Variants in NRXN3 observed in about 807,000 individuals in gnomAD.
NRXN3 encodes the protein neurexin 3.
Under a neutral mutation model 137.6 loss-of-function variants are expected in NRXN3, and 32 were observed. The observed-to-expected ratio is 0.23, with a 90% CI of 0.18 to 0.31. The LOEUF (loss-of-function observed/expected upper bound fraction) is 0.31. NRXN3 is among the 10% of genes least tolerant of loss of function. The pLI, the probability that NRXN3 is intolerant of heterozygous loss-of-function variation, is 1.00. For synonymous variants in NRXN3, 798 were observed against 784.5 expected, an observed-to-expected ratio of 1.02 and a Z score of -0.29; for missense variants, 1,574 against 2,062.5, an observed-to-expected ratio of 0.76 and a Z score of 4.59.
chr14:79,398,969 A>G (rs1293075655), intron 15 of NRXN3, among the ~76,000 whole-genome samples: 3 of 135,644 alleles, frequency 2.2e-5, no homozygotes, highest in Non-Finnish European at 4.6e-5. Flanking sequence ...AGATTGTGCC[A>G]CTGCACTCCA....
chr14:79,272,344 G>T (rs2079483214), intron 15 of NRXN3, among the ~76,000 whole-genome samples: 1 of 151,530 alleles, frequency 6.6e-6, no homozygotes, highest in African/African-American at 2.4e-5. Context: ...TGTTCATGGA[G>T]AAAATGAATC....
chr14:79,788,885 C>A (rs896514434), intron 19 of NRXN3, among the ~76,000 whole-genome samples: 1 of 152,020 alleles, frequency 6.6e-6, no homozygotes, highest in Non-Finnish European at 1.5e-5. Context: ...AAAGGTATAC[C>A]ATTTCAGCAG....
At chr14:78,731,794 C>A (rs1273036992) in intron 8 of NRXN3, among the ~76,000 whole-genome samples, 1 of 149,706 alleles carries the variant, frequency 6.7e-6, no homozygotes, top group African/African-American at 2.5e-5. Flanking sequence ...TGTTTTTTTT[C>A]AAAAATTATC....
At chr14:78,581,917 G>T (rs147542329) in intron 4 of NRXN3, among the ~76,000 whole-genome samples, 1 of 152,338 alleles carries the variant, frequency 6.6e-6, no homozygotes, top group African/African-American at 2.4e-5. Flanking sequence ...GGCCAACCCT[G>T]ATAGGGCTTA....
chr14:79,694,971 T>G (rs1016518006), intron 18 of NRXN3, among the ~76,000 whole-genome samples: 1 of 151,958 alleles, frequency 6.6e-6, no homozygotes, highest in African/African-American at 2.4e-5. Flanking sequence ...GACAACCCCC[T>G]TTACTGTCTC....
intron 15 of NRXN3, among the ~76,000 whole-genome samples, chr14:79,400,714 A>G (rs1006181932): frequency 1.3e-5 from 2 of 152,196 alleles, no homozygotes; most frequent in African/African-American, 4.8e-5. Context: ...TCAGTTAGCC[A>G]TATCAATTAA....
intron 4 of NRXN3, among the ~76,000 whole-genome samples, chr14:78,638,445 T>C (rs1212327287): frequency 6.6e-6 from 1 of 152,160 alleles, no homozygotes; most frequent in Non-Finnish European, 1.5e-5. Flanking sequence ...CTAAAATACA[T>C]TGTAAGGGAA....
chr14:79,438,988 C>T (rs1236822084), intron 15 of NRXN3, among the ~76,000 whole-genome samples: 1 of 152,244 alleles, frequency 6.6e-6, no homozygotes, highest in African/African-American at 2.4e-5. Flanking sequence ...ATGCACCATA[C>T]ATTGAAACAA....
In NRXN3 at chr14:78,243,041, C is replaced by T. The variant is rs1477529287; in HGVS notation, c.-53C>T. The T allele has an allele frequency of 2.3e-6, 3 of 1,323,962 alleles. No individual in the cohort carries two copies. The highest frequency in any genetic ancestry group is 3.0e-6 in the Non-Finnish European group (3 of 988,606). 82.0% of individuals were successfully genotyped at this position (1,323,962 alleles called of 1,614,324 possible). On this transcript the variant is annotated 5_prime_UTR_variant, in exon 2 of 21. Transcript: ENST00000335750. This position sits in a 1 kb window ranked among gnomAD's most constrained non-coding sequence, Gnocchi z 4.2. ...CTATTGCCAAAGGGAGAGATCCTCT[C>T]CGGGCTGTTCCCTGGCCTGTCTGCT... is the stretch of plus-strand genomic sequence containing the variant.
intron 15 of NRXN3, among the ~76,000 whole-genome samples, chr14:79,155,919 AT>A (rs1349459623): frequency 1.3e-5 from 2 of 151,866 alleles, no homozygotes; most frequent in African/African-American, 2.4e-5. Flanking sequence ...ATCTATTTTG[AT>A]TGTAGAGATT....
At chr14:79,361,344 ACT>A (rs2093673470) in intron 15 of NRXN3, among the ~76,000 whole-genome samples, 1 of 152,140 alleles carries the variant, frequency 6.6e-6, no homozygotes, top group East Asian at 1.9e-4. Flanking sequence ...ATTAGTTAAT[ACT>A]GAGTCCAGCT....
chr14:79,720,902 AATG>A (rs2098842196), intron 19 of NRXN3, among the ~76,000 whole-genome samples: 1 of 152,132 alleles, frequency 6.6e-6, no homozygotes, highest in African/African-American at 2.4e-5. Flanking sequence ...AAAATAAATA[AATG>A]ATTAAAGTAG....
At chr14:79,744,234 G>GA (rs1177409733) in intron 19 of NRXN3, among the ~76,000 whole-genome samples, 3 of 152,132 alleles carry the variant, frequency 2.0e-5, no homozygotes, top group African/African-American at 2.4e-5. Context: ...GTGAATGTCA[G>GA]AAAAAATGTT....
At chr14:79,406,046 T>C (rs1293934461) in intron 15 of NRXN3, among the ~76,000 whole-genome samples, 2 of 152,082 alleles carry the variant, frequency 1.3e-5, no homozygotes, top group Non-Finnish European at 2.9e-5. Flanking sequence ...TAATAAACAG[T>C]TAAATATACA....
At chr14:79,748,358 C>G (rs908524938) in intron 19 of NRXN3, among the ~76,000 whole-genome samples, 9 of 151,918 alleles carry the variant, frequency 5.9e-5, no homozygotes, top group African/African-American at 1.9e-4. Flanking sequence ...TATTTTTATC[C>G]AAATTATTAA....
At position 79,495,892 on chromosome 14, in the gene NRXN3, C is replaced by T. The variant is rs185578585; in HGVS notation, c.3444+28490C>T. Among the ~76,000 whole-genome samples the T allele has an allele frequency of 2.2e-4, 33 of 150,414 alleles. 2 individuals carry two copies. The East Asian group carries it at 3.7e-3, about 17-fold the overall frequency. On this transcript the variant is annotated intron_variant, in intron 16 of 20. Transcript: ENST00000335750. The stretch of plus-strand genomic sequence containing the variant: ...AAGCCATAAACCCAGTGATCAAAGT[C>T]GATGGTATTTATTTTATGTTTAAAA...
rs376306137 is a variant in NRXN3, at chr14:78,969,814, AGTGTGT to A, written c.3142+1505_3142+1510del. 4.2e-3 allele frequency among the ~76,000 whole-genome samples: 598 copies of A among 141,492 alleles called. 1 individual carries two copies. Among genetic ancestry groups the A allele is most frequent in the African/African-American group, 7.5e-3 (282 of 37,746 alleles). The allele number at this position is 141,492 out of a possible 152,430, so 92.8% of individuals were successfully genotyped here. A position where few individuals can be genotyped will look rare whatever the true frequency, so the allele number is the denominator to read the frequency against. On this transcript the variant is annotated intron_variant, in intron 14 of 20. Coordinates refer to ENST00000335750, the MANE Select transcript of NRXN3 (RefSeq NM_001330195.2). ...GCCAAATATGGTGTTTGTACTATGT[AGTGTGT>A]GTGTGTGTGTGTGTGTGTGTGTGTG...
chr14:79,538,136 G>T (rs1401572349), intron 16 of NRXN3, among the ~76,000 whole-genome samples: 1 of 152,052 alleles, frequency 6.6e-6, no homozygotes, highest in African/African-American at 2.4e-5. Flanking sequence ...TTTTGATGGG[G>T]TTGTTTGTTT....
At chr14:78,612,728 T>C (rs1028176700) in intron 4 of NRXN3, among the ~76,000 whole-genome samples, 9 of 152,224 alleles carry the variant, frequency 5.9e-5, no homozygotes, top group African/African-American at 2.2e-4. Context: ...TATTGTTTCT[T>C]TTCTGTCTGT....
Sources: gnomAD v4.1 joint callset for allele counts (sites outside exome capture counted in the v4.1 genomes callset) on GRCh38, gnomAD v4.1.1 for gene constraint, Gnocchi (gnomAD v3.1) non-coding constraint, MANE v1.5 for transcripts, NCBI Gene and HGNC (gene_info 2026-07-23, HGNC 2026-07-21) for gene names.